SMOC2: variants seen among roughly 807,000 people sequenced by gnomAD.
SMOC2 encodes SPARC-related modular calcium-binding protein 2.
A neutral mutation model predicts 61.4 loss-of-function variants in SMOC2; 39 were observed. The ratio of observed to expected loss-of-function variants is 0.64; its 90% CI spans 0.49 to 0.83. The LOEUF (loss-of-function observed/expected upper bound fraction) is 0.83. SMOC2 is among the 40% of genes least tolerant of loss of function. SMOC2 has a pLI of 0.00. For synonymous variants in SMOC2, 247 were observed against 239.9 expected, an observed-to-expected ratio of 1.03 and a Z score of -0.27; for missense variants, 556 against 592.9, an observed-to-expected ratio of 0.94 and a Z score of 0.65.
chr6:168,526,312 C>T, intron 2 of SMOC2, 34 bp from the exon 3 acceptor site: 2 of 1,571,874 alleles, frequency 1.3e-6, no homozygotes, highest in Non-Finnish European at 1.8e-6. Context: ...CTTCCCATTG[C>T]ATAACCACAC....
chr6:168,599,299 C>CA (rs1785435728), intron 8 of SMOC2, among the ~76,000 whole-genome samples: 1 of 129,920 alleles, frequency 7.7e-6, no homozygotes, highest in African/African-American at 3.1e-5. Context: ...CACACACATA[C>CA]CACACACACA....
At chr6:168,554,922 G>A (rs1784212267) in intron 7 of SMOC2, among the ~76,000 whole-genome samples, 1 of 152,190 alleles carries the variant, frequency 6.6e-6, no homozygotes, top group Non-Finnish European at 1.5e-5. Flanking sequence ...CTCACCACAG[G>A]GCGTGTGCTC....
intron 7 of SMOC2, among the ~76,000 whole-genome samples, chr6:168,568,074 C>T (rs778185535): frequency 6.6e-5 from 10 of 150,380 alleles, no homozygotes; most frequent in South Asian, 2.2e-4. Context: ...TGGTGTGAGT[C>T]GGTGTCTCAT....
At position 168,562,792 on chromosome 6, in the gene SMOC2, C is replaced by T. The variant is rs576677727; in HGVS notation, c.637+13589C>T. ...ACGTGATGGTCCTGCCCCGGGAGAGCGTTGCCCGTGGAGCTGTTTTCCCGG... is the reference window on the plus strand; with the variant it reads ...ACGTGATGGTCCTGCCCCGGGAGAGTGTTGCCCGTGGAGCTGTTTTCCCGG... On this transcript the variant is annotated intron_variant, in intron 7 of 12. Coordinates refer to ENST00000356284, the MANE Select transcript of SMOC2 (RefSeq NM_001166412.2). 4.6e-5 allele frequency among the ~76,000 whole-genome samples: 7 copies of T among 152,256 alleles called. No individual in the cohort carries two copies. The South Asian group carries it at 8.3e-4, about 18-fold the overall frequency.
intron 2 of SMOC2, among the ~76,000 whole-genome samples, chr6:168,511,952 G>A (rs1783019983): frequency 1.3e-5 from 2 of 152,108 alleles, no homozygotes; most frequent in Non-Finnish European, 2.9e-5. Flanking sequence ...TCCCTGGGAA[G>A]ATGATTGTAT....
intron 11 of SMOC2, among the ~76,000 whole-genome samples, chr6:168,659,690 T>G (rs13219818): frequency 1.1e-4 from 6 of 52,982 alleles, no homozygotes; most frequent in Middle Eastern, 0.017. Flanking sequence ...AGGTTGTAGG[T>G]AGGGTGAGGG....
At chr6:168,525,620 AAATCTGTGT>A (rs1321036712) in intron 2 of SMOC2, among the ~76,000 whole-genome samples, 2 of 152,130 alleles carry the variant, frequency 1.3e-5, no homozygotes, top group Non-Finnish European at 2.9e-5. Context: ...GCCTTCTGTG[AAATCTGTGT>A]TGTTGGGAAG....
chr6:168,577,534 A>G (rs1784833840), intron 7 of SMOC2, among the ~76,000 whole-genome samples: 1 of 152,136 alleles, frequency 6.6e-6, no homozygotes, highest in African/African-American at 2.4e-5. Flanking sequence ...ATCTCTCCAC[A>G]TGGCCTGTCT....
intron 7 of SMOC2, among the ~76,000 whole-genome samples, chr6:168,581,392 G>C (rs1301717283): frequency 6.6e-6 from 1 of 152,140 alleles, no homozygotes; most frequent in African/African-American, 2.4e-5. Flanking sequence ...CTGGAAACTT[G>C]TTAGACAAGA....
chr6:168,558,060 C>G (rs577931858), intron 7 of SMOC2, among the ~76,000 whole-genome samples: 22 of 152,250 alleles, frequency 1.4e-4, no homozygotes, highest in African/African-American at 5.3e-4. Context: ...TGTGAATGCT[C>G]CCTCTCCCAG....
At chr6:168,664,306 C>A in intron 12 of SMOC2, 195 bp downstream of exon 12, 1 of 620,896 alleles carries the variant, frequency 1.6e-6, no homozygotes, top group South Asian at 1.7e-5. Context: ...TCCGAAATCA[C>A]CAACTTGTTT....
At chr6:168,471,293 T>G (rs1290379654) in intron 1 of SMOC2, among the ~76,000 whole-genome samples, 3 of 152,230 alleles carry the variant, frequency 2.0e-5, no homozygotes, top group East Asian at 3.9e-4. Flanking sequence ...CAATCTGTCT[T>G]TATTAATTCT....
In SMOC2 at chr6:168,441,350, G is replaced by A; in HGVS notation, c.-21G>A. On this transcript the variant is annotated 5_prime_UTR_variant, in exon 1 of 13. Coordinates refer to ENST00000356284, the MANE Select transcript of SMOC2 (RefSeq NM_001166412.2). Reference sequence around the variant, plus strand: ...GGGCGCAGGACGCGGCCGATCTCCCGCTCCCGCCACCTCCGCCACCATGCT... The same window carrying A: ...GGGCGCAGGACGCGGCCGATCTCCCACTCCCGCCACCTCCGCCACCATGCT... 3 of 1,499,620 alleles carry A rather than the reference G, an allele frequency of 2.0e-6. No homozygotes were observed. The highest frequency in any genetic ancestry group is 2.7e-6 in the Non-Finnish European group (3 of 1,130,958). The allele number at this position is 1,499,620 out of a possible 1,614,324, so 92.9% of individuals were successfully genotyped here. A position where few individuals can be genotyped will look rare whatever the true frequency, so the allele number is the denominator to read the frequency against.
At chr6:168,482,264 A>G (rs1178640101) in intron 1 of SMOC2, among the ~76,000 whole-genome samples, 2 of 152,068 alleles carry the variant, frequency 1.3e-5, no homozygotes, top group Non-Finnish European at 2.9e-5. Context: ...TACAGAAATA[A>G]AAATGGATTA....
intron 1 of SMOC2, among the ~76,000 whole-genome samples, chr6:168,456,949 C>G (rs1475851051): frequency 6.6e-6 from 1 of 152,154 alleles, no homozygotes; most frequent in East Asian, 1.9e-4. Context: ...AAAGCAACAA[C>G]AAGACTAGGG....
chr6:168,664,757 A>T, intron 12 of SMOC2: 1 of 471,154 alleles, frequency 2.1e-6, no homozygotes, highest in Non-Finnish European at 4.4e-6. Context: ...GGTGTCCTCC[A>T]GACCCAAAGC....
intron 9 of SMOC2, among the ~76,000 whole-genome samples, chr6:168,615,096 C>T (rs1409509349): frequency 8.8e-5 from 7 of 79,454 alleles, no homozygotes; most frequent in Admixed American, 1.5e-4. Flanking sequence ...GGCCTCTTCA[C>T]ACCTACAGCC....
At position 168,475,739 on chromosome 6, in the gene SMOC2, A is replaced by G. The variant is rs560076510; in HGVS notation, c.85-34176A>G. Among the ~76,000 whole-genome samples the G allele has an allele frequency of 5.9e-5, 9 of 152,260 alleles. No homozygotes were observed. Among genetic ancestry groups the G allele is most frequent in the Admixed American group, 5.9e-4 (9 of 15,296 alleles). On this transcript the variant is annotated intron_variant, in intron 1 of 12. Coordinates refer to ENST00000356284, the MANE Select transcript of SMOC2 (RefSeq NM_001166412.2). The surrounding 1 kb of genome is among the most constrained non-coding windows in gnomAD (Gnocchi z 4.6). ...GAGGACACTGCTCGGCGTTAGAAGA[A>G]GAAGTAGTGAAGGGCAGTATTGGTG... is the stretch of plus-strand genomic sequence containing the variant.
chr6:168,478,073 T>A (rs1782131001), intron 1 of SMOC2, among the ~76,000 whole-genome samples: 1 of 152,196 alleles, frequency 6.6e-6, no homozygotes, highest in Non-Finnish European at 1.5e-5. Context: ...TGCCATGCTC[T>A]GACAGTCCCT....
Sources: gnomAD v4.1 joint callset for allele counts (sites outside exome capture counted in the v4.1 genomes callset) on GRCh38, gnomAD v4.1.1 for gene constraint, Gnocchi (gnomAD v3.1) non-coding constraint, MANE v1.5 for transcripts, NCBI Gene and HGNC (gene_info 2026-07-23, HGNC 2026-07-21) for gene names.